DTWD2: variants seen among roughly 807,000 people sequenced by gnomAD.
DTWD2 encodes the protein tRNA-uridine aminocarboxypropyltransferase 2.
A neutral mutation model predicts 31.8 loss-of-function variants in DTWD2; 39 were observed. The ratio of observed to expected loss-of-function variants is 1.22; its 90% CI spans 0.95 to 1.60. The LOEUF (loss-of-function observed/expected upper bound fraction) is 1.60. DTWD2 is among the 40% of genes most tolerant of loss of function. The pLI is 0.00. For missense variants in DTWD2, 515 were observed against 381.5 expected, an observed-to-expected ratio of 1.35 and a Z score of -2.92; for synonymous variants, 180 against 142.8, an observed-to-expected ratio of 1.26 and a Z score of -1.86.
intron 4 of DTWD2, among the ~76,000 whole-genome samples, chr5:118,904,600 A>C (rs1381520626): frequency 6.6e-6 from 1 of 152,168 alleles, no homozygotes; most frequent in East Asian, 1.9e-4. Context: ...AGATAATCAA[A>C]GACCAGTAGT....
At chr5:118,912,690 C>T (rs868388375) in intron 4 of DTWD2, among the ~76,000 whole-genome samples, 3 of 152,208 alleles carry the variant, frequency 2.0e-5, no homozygotes, top group African/African-American at 4.8e-5. Flanking sequence ...CCATCTCAGT[C>T]CCCTGCTGCT....
chr5:118,959,876 A>G (rs968666488), intron 1 of DTWD2, among the ~76,000 whole-genome samples: 1 of 152,198 alleles, frequency 6.6e-6, no homozygotes, highest in Non-Finnish European at 1.5e-5. Context: ...TGGTGCTGGG[A>G]TAAGTAGCTA....
chr5:118,879,869 G>A (rs995075864), intron 4 of DTWD2, among the ~76,000 whole-genome samples: 4 of 152,088 alleles, frequency 2.6e-5, no homozygotes, highest in African/African-American at 9.7e-5. Flanking sequence ...ATTAATATCT[G>A]GGTGATGAAA....
intron 4 of DTWD2, among the ~76,000 whole-genome samples, chr5:118,862,293 T>G (rs374269505): frequency 6.6e-5 from 10 of 152,318 alleles, no homozygotes; most frequent in Non-Finnish European, 1.5e-4. Flanking sequence ...TGGGGACTAC[T>G]GGGCTAAGCA....
At chr5:118,962,006 C>G (rs1274590793) in intron 1 of DTWD2, among the ~76,000 whole-genome samples, 1 of 152,112 alleles carries the variant, frequency 6.6e-6, no homozygotes, top group African/African-American at 2.4e-5. Flanking sequence ...CTTTGGGAGG[C>G]TGAGGCGGGA....
In DTWD2 at chr5:118,898,528, G is replaced by A. The variant is rs555306695; in HGVS notation, c.597+30009C>T. The stretch of plus-strand genomic sequence containing the variant: ...AAAAAAATTAGCCGGGCATGGTGGC[G>A]GGTGCCTGTAATCTCAACTTCTCAG... On this transcript the variant is annotated intron_variant, in intron 4 of 5. Coordinates refer to ENST00000510708, the MANE Select transcript of DTWD2 (RefSeq NM_173666.4). 4.6e-5 allele frequency among the ~76,000 whole-genome samples: 7 copies of A among 151,744 alleles called. No homozygotes were observed. The East Asian group carries it at 1.2e-3, about 25-fold the overall frequency.
intron 4 of DTWD2, among the ~76,000 whole-genome samples, chr5:118,901,988 T>C (rs1444244167): frequency 6.6e-6 from 1 of 152,210 alleles, no homozygotes; most frequent in Non-Finnish European, 1.5e-5. Context: ...TTTTTAATAA[T>C]TCATACTTAA....
chr5:118,841,126 C>A, intron 5 of DTWD2, 39 bp from the exon 6 acceptor site: 3 of 1,565,454 alleles, frequency 1.9e-6, no homozygotes, highest in East Asian at 2.4e-5. Flanking sequence ...GTATCTGTGA[C>A]AAATCATGAT....
At chr5:118,914,953 T>C (rs748359452) in intron 4 of DTWD2, among the ~76,000 whole-genome samples, 1 of 152,154 alleles carries the variant, frequency 6.6e-6, no homozygotes, top group African/African-American at 2.4e-5. Context: ...AAATTTAATT[T>C]TTCTGGCTCA....
intron 3 of DTWD2, among the ~76,000 whole-genome samples, chr5:118,931,619 C>T (rs1433642633): frequency 6.6e-6 from 1 of 152,048 alleles, no homozygotes; most frequent in East Asian, 1.9e-4. Context: ...AAAAAAGAAA[C>T]AGACAAATCC....
At chr5:118,934,780 A>G (rs1242047054) in intron 3 of DTWD2, among the ~76,000 whole-genome samples, 1 of 152,208 alleles carries the variant, frequency 6.6e-6, no homozygotes, top group Non-Finnish European at 1.5e-5. Context: ...TAAACAACAG[A>G]GATTGTTAGA....
At chr5:118,938,808 CA>C (rs373505051) in intron 3 of DTWD2, among the ~76,000 whole-genome samples, 2,087 of 27,870 alleles carry the variant, frequency 0.075, 54 homozygotes, top group African/African-American at 0.21. Flanking sequence ...AGAACCCTAC[CA>C]AAAAAAAAAA....
intron 4 of DTWD2, among the ~76,000 whole-genome samples, chr5:118,860,428 GT>G (rs1752235436): frequency 6.6e-6 from 1 of 151,694 alleles, no homozygotes; most frequent in Non-Finnish European, 1.5e-5. Context: ...CTATACCATA[GT>G]TTATTCAAAC....
intron 4 of DTWD2, among the ~76,000 whole-genome samples, chr5:118,852,898 A>G (rs1162595958): frequency 6.6e-6 from 1 of 152,210 alleles, no homozygotes; most frequent in Non-Finnish European, 1.5e-5. Flanking sequence ...AAAAAATGAA[A>G]TCATGTCCTT....
chr5:118,878,867 G>T (rs1348600256), intron 4 of DTWD2, among the ~76,000 whole-genome samples: 1 of 152,006 alleles, frequency 6.6e-6, no homozygotes, highest in Non-Finnish European at 1.5e-5. Flanking sequence ...CATACATGTG[G>T]CCAACAGTCA....
intron 4 of DTWD2, among the ~76,000 whole-genome samples, chr5:118,901,212 C>T (rs988483610): frequency 2.0e-5 from 3 of 152,082 alleles, no homozygotes; most frequent in East Asian, 3.8e-4. Flanking sequence ...AGACAATCAA[C>T]ACCCTATGAC....
At position 118,844,152 on chromosome 5, in the gene DTWD2, C is replaced by G. The variant is rs559622984; in HGVS notation, c.727-3065G>C. The stretch of plus-strand genomic sequence containing the variant: ...CTTTTGTCATCTTATCTGATTTCAA[C>G]TTCAGAGTTTTAAAGTTGTAGCCTA... On this transcript the variant is annotated intron_variant, in intron 5 of 5. Transcript: ENST00000510708. Among the ~76,000 whole-genome samples, 147 of 152,326 alleles carry G rather than the reference C, an allele frequency of 9.7e-4. 1 individual carries two copies. The highest frequency in any genetic ancestry group is 3.4e-3 in the Middle Eastern group (1 of 294).
intron 1 of DTWD2, among the ~76,000 whole-genome samples, chr5:118,961,423 T>C (rs1028056991): frequency 6.6e-6 from 1 of 152,212 alleles, no homozygotes; most frequent in Admixed American, 6.5e-5. Flanking sequence ...CTTAGACATG[T>C]TTTCTCTCAT....
intron 4 of DTWD2, among the ~76,000 whole-genome samples, chr5:118,898,125 A>G (rs1434117494): frequency 6.6e-6 from 1 of 152,128 alleles, no homozygotes; most frequent in Non-Finnish European, 1.5e-5. Context: ...TTGACCTCCC[A>G]AAGTGCTGAG....
Sources: gnomAD v4.1 joint callset for allele counts (sites outside exome capture counted in the v4.1 genomes callset) on GRCh38, gnomAD v4.1.1 for gene constraint, MANE v1.5 for transcripts, NCBI Gene and HGNC (gene_info 2026-07-23, HGNC 2026-07-21) for gene names.